The following GFRA1 variants were observed in gnomAD, a reference collection of about 807,000 sequenced individuals.
GFRA1 encodes GDNF family receptor alpha-1.
A neutral mutation model predicts 51.6 loss-of-function variants in GFRA1; 16 were observed. The observed-to-expected ratio is 0.31, with a 90% CI of 0.21 to 0.47. The LOEUF is 0.47. Among genes scored for constraint, GFRA1 ranks in the 20% least tolerant of loss-of-function variants. GFRA1 has a pLI of 1.00. For missense variants in GFRA1, 530 were observed against 594.3 expected (o/e 0.89, Z 1.13); for synonymous variants, 270 against 241.3 (o/e 1.12, Z -1.10).
At chr10:116,135,173 G>A (rs752719686) in intron 5 of GFRA1, among the ~76,000 whole-genome samples, 3 of 152,160 alleles carry the variant, frequency 2.0e-5, no homozygotes, top group Admixed American at 6.5e-5. Flanking sequence ...ACAGGCATTT[G>A]GAACTTGGTG....
chr10:116,067,597 C>G (rs1242976264), intron 9 of GFRA1, among the ~76,000 whole-genome samples: 1 of 152,180 alleles, frequency 6.6e-6, no homozygotes, highest in Non-Finnish European at 1.5e-5. Context: ...ATTGTATACT[C>G]AATCTGTGAC....
At chr10:116,085,711 G>A (rs569785998) in intron 9 of GFRA1, among the ~76,000 whole-genome samples, 1 of 152,274 alleles carries the variant, frequency 6.6e-6, no homozygotes, top group East Asian at 1.9e-4. Flanking sequence ...TCTAGCCTCA[G>A]ATGATCCTTT....
chr10:116,069,880 T>G (rs868811165), intron 9 of GFRA1, among the ~76,000 whole-genome samples: 1 of 152,296 alleles, frequency 6.6e-6, no homozygotes, highest in East Asian at 1.9e-4. Flanking sequence ...GCGAGCAGCA[T>G]GCTCACTCTG....
At position 116,089,861 on chromosome 10, in the gene GFRA1, T is replaced by C. The variant is rs1167899350; in HGVS notation, c.1077A>G (p.Pro359=). Residue 359 remains proline, a synonymous_variant, in exon 9 of 11, where the codon CCA becomes CCG. Coordinates refer to ENST00000355422, the MANE Select transcript of GFRA1 (RefSeq NM_005264.8). ...TGGTAGTGGCAGTGGTGGTCTGTAC[T>C]GGGAAGGCTGGCTGCCACACGGTCA... ...SDVTVWQPAF[P]VQTTTATTTT... 6.2e-7 allele frequency: 1 copy of C among 1,614,034 alleles called. No individual in the cohort carries two copies. The highest frequency in any genetic ancestry group is 8.5e-7 in the Non-Finnish European group (1 of 1,179,994).
chr10:116,219,455 C>A (rs909304072), intron 4 of GFRA1, among the ~76,000 whole-genome samples: 1 of 152,016 alleles, frequency 6.6e-6, no homozygotes, highest in Non-Finnish European at 1.5e-5. Flanking sequence ...AATTCATGTA[C>A]AAATATTTTA....
intron 6 of GFRA1, among the ~76,000 whole-genome samples, chr10:116,100,946 G>T (rs546363723): frequency 3.9e-5 from 6 of 152,184 alleles, no homozygotes; most frequent in Non-Finnish European, 7.4e-5. Context: ...AGACAGTGGG[G>T]CCCTGGTGGG....
intron 8 of GFRA1, 63 bp downstream of exon 8, chr10:116,093,639 A>G (rs1180287278): frequency 6.9e-7 from 1 of 1,455,716 alleles, no homozygotes; most frequent in East Asian, 2.3e-5. Flanking sequence ...TACAAGAGGT[A>G]CAGCTGGAGC....
intron 4 of GFRA1, among the ~76,000 whole-genome samples, chr10:116,212,523 A>AACACACACACACACACAC (rs71010072): frequency 7.0e-6 from 1 of 142,608 alleles, no homozygotes; most frequent in Non-Finnish European, 1.5e-5. Context: ...TCCGTCTCAA[A>AACACACACACACACACAC]ACACACACAC....
At chr10:116,124,478 G>A (rs943334632) in intron 6 of GFRA1, among the ~76,000 whole-genome samples, 1 of 151,998 alleles carries the variant, frequency 6.6e-6, no homozygotes, top group African/African-American at 2.4e-5. Context: ...TGATCCACCC[G>A]CCTCAGCCTC....
intron 6 of GFRA1, among the ~76,000 whole-genome samples, chr10:116,124,711 C>A (rs1431931439): frequency 6.6e-6 from 1 of 152,172 alleles, no homozygotes; most frequent in African/African-American, 2.4e-5. Context: ...GTGACCTCTT[C>A]ACAGCGACAG....
In GFRA1 at chr10:116,270,976, G is replaced by T. The variant is rs1290071578; in HGVS notation, c.180C>A (p.Phe60Leu). ...TGGCCTCCAGGCCGGATGCCAGGCT[G>T]AAGTTGGTCTCCTTGCCCGCCACGC... ...RQCVAGKETN[F>L]SLASGLEAKD... The change falls in exon 3 of 11, where the codon TTC becomes TTA. Residue 60 changes from phenylalanine (F) to leucine (L), a missense_variant. By Grantham distance (22) the Phe-to-Leu change is conservative (BLOSUM62 0). Coordinates refer to ENST00000355422, the MANE Select transcript of GFRA1 (RefSeq NM_005264.8). 6.2e-7 allele frequency: 1 copy of T among 1,614,118 alleles called. No homozygotes were observed. Among genetic ancestry groups the T allele is most frequent in the Non-Finnish European group, 8.5e-7 (1 of 1,180,060 alleles).
intron 5 of GFRA1, among the ~76,000 whole-genome samples, chr10:116,152,247 A>C (rs1290443939): frequency 2.6e-5 from 4 of 152,256 alleles, no homozygotes; most frequent in Non-Finnish European, 5.9e-5. Flanking sequence ...GAGAGGAAGC[A>C]GGAGCACCAG....
rs1954955668 is a variant in GFRA1, at chr10:116,064,037, A to G, written c.*361T>C. ...GAAAGGCCAGAAGTAAAACTGTTAA[A>G]ATCATCATCATGATCATGATGATCA... On this transcript the variant is annotated 3_prime_UTR_variant, in exon 11 of 11. Coordinates refer to ENST00000355422, the MANE Select transcript of GFRA1 (RefSeq NM_005264.8). The G allele has an allele frequency of 4.9e-6, 1 of 205,600 alleles. No homozygotes were observed. Among genetic ancestry groups the G allele is most frequent in the Admixed American group, 5.5e-5 (1 of 18,308 alleles). 12.7% of individuals were successfully genotyped at this position (205,600 alleles called of 1,614,324 possible).
chr10:116,074,104 G>T (rs1430683998), intron 9 of GFRA1, among the ~76,000 whole-genome samples: 2 of 152,152 alleles, frequency 1.3e-5, no homozygotes, highest in Non-Finnish European at 2.9e-5. Context: ...GATCCCATCT[G>T]CCTTTTACCA....
intron 5 of GFRA1, among the ~76,000 whole-genome samples, chr10:116,129,433 C>CATT (rs1178672603): frequency 6.6e-6 from 1 of 152,082 alleles, no homozygotes; most frequent in Non-Finnish European, 1.5e-5. Context: ...CCATATATTT[C>CATT]ATTAGATAAA....
intron 4 of GFRA1, among the ~76,000 whole-genome samples, chr10:116,237,225 A>G (rs1966940170): frequency 6.6e-6 from 1 of 152,208 alleles, no homozygotes; most frequent in South Asian, 2.1e-4. Flanking sequence ...ATGTTCACTT[A>G]TCTTGAAGGT....
intron 6 of GFRA1, among the ~76,000 whole-genome samples, chr10:116,112,051 G>C (rs1462617027): frequency 2.0e-5 from 3 of 152,190 alleles, no homozygotes; most frequent in Non-Finnish European, 4.4e-5. Flanking sequence ...ACACCAGCTG[G>C]TCCAATAGGA....
intron 5 of GFRA1, among the ~76,000 whole-genome samples, chr10:116,208,321 G>A (rs766576203): frequency 1.3e-5 from 2 of 151,968 alleles, no homozygotes; most frequent in Non-Finnish European, 2.9e-5. Context: ...CACCTTATTT[G>A]TAAACTTGAC....
chr10:116,086,981 C>A (rs1956127719), intron 9 of GFRA1, among the ~76,000 whole-genome samples: 1 of 152,170 alleles, frequency 6.6e-6, no homozygotes, highest in African/African-American at 2.4e-5. Context: ...CCACGCCCAG[C>A]TAATTTTTGT....
Sources: allele counts gnomAD v4.1 joint callset (sites outside exome capture counted in the v4.1 genomes callset), GRCh38; gene constraint gnomAD v4.1.1; transcripts MANE v1.5; gene names NCBI Gene and HGNC (gene_info 2026-07-23, HGNC 2026-07-21).